Variants in DSE observed in about 807,000 individuals in gnomAD.
The protein encoded by DSE is dermatan-sulfate epimerase.
Under a neutral mutation model 84.4 loss-of-function variants are expected in DSE, and 36 were observed. The ratio of observed to expected loss-of-function variants is 0.43; its 90% CI spans 0.33 to 0.56. The LOEUF is 0.56. DSE is among the 20% of genes least tolerant of loss of function. The pLI is 0.06. For missense variants in DSE, 862 were observed against 1,169.6 expected, an observed-to-expected ratio of 0.74 and a Z score of 3.84; for synonymous variants, 410 against 430.1, an observed-to-expected ratio of 0.95 and a Z score of 0.58.
At chr6:116,332,483 C>A (rs1272892746) in intron 2 of DSE, among the ~76,000 whole-genome samples, 1 of 151,778 alleles carries the variant, frequency 6.6e-6, no homozygotes, top group Non-Finnish European at 1.5e-5. Flanking sequence ...ACAAGACACT[C>A]TTGAATAGGA....
rs898976238 is a variant in DSE, at chr6:116,371,091, G to A, written c.-84G>A. On this transcript the variant is annotated 5_prime_UTR_variant, in exon 1 of 6. Transcript: ENST00000644252. ...TGGCTCTGGAGGCTGCGGAGGCGAC[G>A]CCGGAGAGAACGAAGCCTCGGCTGG... is the stretch of plus-strand genomic sequence containing the variant. The A allele has an allele frequency of 6.1e-6, 6 of 986,100 alleles. No individual in the cohort carries two copies. In the Admixed American group the frequency reaches 2.5e-4, roughly 40 times the overall value. 61.1% of individuals were successfully genotyped at this position (986,100 alleles called of 1,614,324 possible). A position where few individuals can be genotyped will look rare whatever the true frequency, so the allele number is the denominator to read the frequency against.
At chr6:116,359,747 C>A (rs1778785928) in intron 2 of DSE, among the ~76,000 whole-genome samples, 1 of 152,174 alleles carries the variant, frequency 6.6e-6, no homozygotes, top group Non-Finnish European at 1.5e-5. Flanking sequence ...AATATTATTA[C>A]AAATTAGGAA....
chr6:116,259,364 G>A (rs1772302431), intron 2 of DSE: 1 of 316,290 alleles, frequency 3.2e-6, no homozygotes, highest in African/African-American at 2.1e-5. Context: ...ATAGGTGTAT[G>A]GTACTAGAGA....
At chr6:116,400,317 A>G (rs1781513515) in intron 2 of DSE, 1 of 152,214 alleles carries the variant, frequency 6.6e-6, no homozygotes, top group South Asian at 2.1e-4. Context: ...TATGCTTCCA[A>G]ACAGATATGG....
intron 1 of DSE, among the ~76,000 whole-genome samples, chr6:116,379,846 T>C (rs1280932344): frequency 1.3e-5 from 2 of 152,178 alleles, no homozygotes; most frequent in African/African-American, 4.8e-5. Flanking sequence ...ATCTTGCAAA[T>C]TTCAGATTGT....
chr6:116,366,458 T>A (rs1394029291), upstream of DSE: 2 of 152,248 alleles, frequency 1.3e-5, no homozygotes, highest in Non-Finnish European at 2.9e-5. Context: ...TTTTGGTCTA[T>A]TAAGTCTAAG....
chr6:116,302,524 G>A (rs1283339650), intron 2 of DSE, among the ~76,000 whole-genome samples: 2 of 152,022 alleles, frequency 1.3e-5, no homozygotes, highest in Non-Finnish European at 2.9e-5. Context: ...TAAGTTCCTT[G>A]TAGATTCTGG....
At chr6:116,385,064 G>A (rs1780495819) in intron 1 of DSE, among the ~76,000 whole-genome samples, 1 of 152,154 alleles carries the variant, frequency 6.6e-6, no homozygotes, top group Middle Eastern at 3.2e-3. Context: ...GATATCCTAG[G>A]GTAGGCATTT....
chr6:116,280,147 A>C, intron 2 of DSE: 1 of 438,188 alleles, frequency 2.3e-6, no homozygotes, highest in South Asian at 2.1e-5. Flanking sequence ...AGATGCATCT[A>C]GCGACTGCTC....
At chr6:116,393,215 C>T (rs1034644879) in intron 1 of DSE, among the ~76,000 whole-genome samples, 3 of 152,098 alleles carry the variant, frequency 2.0e-5, no homozygotes, top group Non-Finnish European at 1.5e-5. Flanking sequence ...CTCATTTAAT[C>T]TATTATTCTT....
At chr6:116,308,439 A>G (rs1408922610) in intron 2 of DSE, among the ~76,000 whole-genome samples, 1 of 152,190 alleles carries the variant, frequency 6.6e-6, no homozygotes, top group African/African-American at 2.4e-5. Flanking sequence ...ATATTTGTTG[A>G]TAAATATGAA....
intron 1 of DSE, among the ~76,000 whole-genome samples, chr6:116,374,102 T>C (rs1282514952): frequency 6.6e-6 from 1 of 152,110 alleles, no homozygotes; most frequent in African/African-American, 2.4e-5. Context: ...TTACCGATTG[T>C]GTTGCTTACT....
chr6:116,283,964 G>A (rs1437449889), intron 2 of DSE, among the ~76,000 whole-genome samples: 1 of 152,130 alleles, frequency 6.6e-6, no homozygotes, highest in Non-Finnish European at 1.5e-5. Context: ...ATACATTTTG[G>A]CTATGCTTCA....
At chr6:116,402,794 A>G (rs1781677097) in intron 2 of DSE, among the ~76,000 whole-genome samples, 1 of 152,200 alleles carries the variant, frequency 6.6e-6, no homozygotes, top group Non-Finnish European at 1.5e-5. Context: ...ACAAGAATCT[A>G]ATGTTAACAC....
rs571086814 is a variant in DSE at position 116,344,270 on chromosome 6, G to T, written c.-53-54928G>T. ...CAAGGCAGGCCAACATTCAAATTCA[G>T]GCAATACGGAGAATGCCACAAAGAT... is the stretch of plus-strand genomic sequence containing the variant. On this transcript the variant is annotated intron_variant, in intron 2 of 3. Coordinates refer to the DSE transcript ENST00000430252. Among the ~76,000 whole-genome samples the T allele has an allele frequency of 2.0e-4, 31 of 152,150 alleles. 1 individual carries two copies. The highest frequency in any genetic ancestry group is 4.6e-4 in the Non-Finnish European group (31 of 68,042).
chr6:116,369,845 A>C, upstream of DSE: 2 of 1,190,020 alleles, frequency 1.7e-6, no homozygotes, highest in Non-Finnish European at 2.2e-6. Context: ...CTCTGAGGAT[A>C]GAGGAATTGG....
At chr6:116,311,061 C>G (rs1313860165) in intron 2 of DSE, among the ~76,000 whole-genome samples, 1 of 152,184 alleles carries the variant, frequency 6.6e-6, no homozygotes, top group East Asian at 1.9e-4. Flanking sequence ...GCACTTCTGT[C>G]TGAAATGTAC....
At chr6:116,321,927 A>G (rs1215091667) in intron 2 of DSE, among the ~76,000 whole-genome samples, 3 of 152,098 alleles carry the variant, frequency 2.0e-5, no homozygotes, top group Non-Finnish European at 4.4e-5. Flanking sequence ...TTCACATGAT[A>G]GTGTAGCAGG....
intron 2 of DSE, chr6:116,276,666 T>G (rs1019492743): frequency 1.3e-5 from 2 of 152,144 alleles, no homozygotes; most frequent in Admixed American, 6.5e-5. Context: ...TAATTTTTAA[T>G]TAATATGAAC....
Sources: allele counts gnomAD v4.1 joint callset (sites outside exome capture counted in the v4.1 genomes callset), GRCh38; gene constraint gnomAD v4.1.1; transcripts MANE v1.5; gene names NCBI Gene and HGNC (gene_info 2026-07-23, HGNC 2026-07-21).